The following GAS7 variants were observed in gnomAD, a reference collection of about 807,000 sequenced individuals.
GAS7 encodes growth arrest-specific protein 7.
A neutral mutation model predicts 71.1 loss-of-function variants in GAS7; 28 were observed. The observed-to-expected ratio is 0.39, with a 90% CI of 0.29 to 0.54. The LOEUF (loss-of-function observed/expected upper bound fraction) is 0.54, where lower values mean the gene tolerates loss of function less well. GAS7 is among the 20% of genes least tolerant of loss of function. The probability of loss-of-function intolerance (pLI) is 0.62; values close to 1 mark genes in which losing one functional copy is unlikely to be tolerated. For synonymous variants in GAS7, 258 were observed against 245.8 expected, an observed-to-expected ratio of 1.05 and a Z score of -0.46; for missense variants, 436 against 627.8, an observed-to-expected ratio of 0.69 and a Z score of 3.27.
At chr17:10,021,121 C>T (rs2072250525) in intron 1 of GAS7, among the ~76,000 whole-genome samples, 2 of 152,076 alleles carry the variant, frequency 1.3e-5, no homozygotes, top group African/African-American at 4.8e-5. Context: ...GATTGCTGTG[C>T]CTTTTGAAGT....
chr17:10,197,725 G>C (rs1234970182), intron 1 of GAS7, among the ~76,000 whole-genome samples: 1 of 152,156 alleles, frequency 6.6e-6, no homozygotes, highest in Non-Finnish European at 1.5e-5. Context: ...TCCCGAGGCG[G>C]CCAGGCAGCC....
chr17:10,102,423 A>G (rs1017589539), intron 1 of GAS7, among the ~76,000 whole-genome samples: 4 of 151,024 alleles, frequency 2.6e-5, no homozygotes, highest in African/African-American at 9.7e-5. Flanking sequence ...ATAGTAGTCT[A>G]ATCTCTTAGT....
chr17:9,925,905 C>T (rs2067985081), intron 10 of GAS7, among the ~76,000 whole-genome samples: 2 of 152,152 alleles, frequency 1.3e-5, no homozygotes, highest in South Asian at 2.1e-4. Flanking sequence ...CCTAAAGTCA[C>T]AGCCCCTCTG....
chr17:9,943,079 A>G (rs974197331), intron 7 of GAS7, 42 bp downstream of exon 7: 5 of 1,309,362 alleles, frequency 3.8e-6, no homozygotes, highest in Admixed American at 1.7e-5. Flanking sequence ...CCCGGGGAAC[A>G]CTGGTGCCAG....
intron 9 of GAS7, among the ~76,000 whole-genome samples, chr17:9,932,701 A>C (rs752639740): frequency 6.6e-6 from 1 of 152,144 alleles, no homozygotes; most frequent in Non-Finnish European, 1.5e-5. Context: ...AGACCTGAAA[A>C]GACTGGGGGT....
At chr17:10,181,215 C>T in intron 1 of GAS7, among the ~76,000 whole-genome samples, 1 of 146,556 alleles carries the variant, frequency 6.8e-6, no homozygotes, top group Non-Finnish European at 1.5e-5. Context: ...AAAAAATTAG[C>T]TGGGCGTGGT....
intron 1 of GAS7, among the ~76,000 whole-genome samples, chr17:10,025,086 TA>T (rs1343704843): frequency 6.6e-6 from 1 of 152,118 alleles, no homozygotes; most frequent in Non-Finnish European, 1.5e-5. Flanking sequence ...GTGGCACGGT[TA>T]ATGGTAAAAA....
chr17:9,999,186 G>A (rs1367412158), intron 2 of GAS7, among the ~76,000 whole-genome samples: 2 of 152,138 alleles, frequency 1.3e-5, no homozygotes, highest in Non-Finnish European at 2.9e-5. Flanking sequence ...TCTGTATATA[G>A]AAGACTTTCC....
At chr17:10,032,111 GAAAAAA>G (rs749716743) in intron 1 of GAS7, among the ~76,000 whole-genome samples, 1 of 74,758 alleles carries the variant, frequency 1.3e-5, no homozygotes, top group Non-Finnish European at 2.8e-5. Context: ...GGGAACCTCA[GAAAAAA>G]AAAAAAAAAA....
intron 1 of GAS7, among the ~76,000 whole-genome samples, chr17:10,193,223 G>A (rs937603108): frequency 1.8e-4 from 24 of 131,622 alleles, no homozygotes; most frequent in African/African-American, 6.4e-4. Flanking sequence ...CAGCTGCATC[G>A]TTTATCATGT....
intron 1 of GAS7, among the ~76,000 whole-genome samples, chr17:10,141,181 GGCTCACGCCT>G (rs1158862081): frequency 1.3e-5 from 2 of 152,232 alleles, no homozygotes; most frequent in Non-Finnish European, 2.9e-5. Flanking sequence ...CGGGCGCGGT[GGCTCACGCCT>G]GTAATCCCAG....
chr17:10,194,027 T>A (rs774485271), intron 1 of GAS7, among the ~76,000 whole-genome samples: 4 of 152,166 alleles, frequency 2.6e-5, no homozygotes, highest in Non-Finnish European at 5.9e-5. Flanking sequence ...CACAACTGCA[T>A]GAACCCAAAA....
chr17:9,917,299 C>T lies in GAS7; in HGVS notation c.1360G>A (p.Ala454Thr), dbSNP rs761078354. 3 of 1,613,982 alleles carry T rather than the reference C, an allele frequency of 1.9e-6. No individual in the cohort carries two copies. The highest frequency in any genetic ancestry group is 2.5e-6 in the Non-Finnish European group (3 of 1,179,920). The change falls in exon 14 of 14, where the codon GCC (alanine) becomes ACC (threonine). Residue 454 changes from alanine to threonine, a missense_variant. By Grantham distance (58) the Ala-to-Thr change is moderately conservative. Coordinates refer to ENST00000432992, the MANE Select transcript of GAS7 (RefSeq NM_201433.2). Reference sequence around the variant, plus strand: ...CTGACCCACAGCTCCCTGTCTTTGGCCGGGTCCACTTTTCGAAGCAGCTGA... The same window carrying T: ...CTGACCCACAGCTCCCTGTCTTTGGTCGGGTCCACTTTTCGAAGCAGCTGA... ...VDQLLRKVDP[A>T]KDRELWVREH... is the part of the protein sequence containing the mutation.
At chr17:10,076,866 C>T (rs1196438910) in intron 1 of GAS7, among the ~76,000 whole-genome samples, 1 of 152,138 alleles carries the variant, frequency 6.6e-6, no homozygotes, top group Non-Finnish European at 1.5e-5. Flanking sequence ...ATCAAGCCTG[C>T]AATGGACTTG....
At chr17:10,170,151 C>A (rs996796702) in intron 1 of GAS7, among the ~76,000 whole-genome samples, 2 of 152,098 alleles carry the variant, frequency 1.3e-5, no homozygotes, top group African/African-American at 2.4e-5. Context: ...CTACCCTCTG[C>A]TCCCCCCTCC....
chr17:10,042,379 C>A (rs2072885287), intron 1 of GAS7, among the ~76,000 whole-genome samples: 1 of 151,742 alleles, frequency 6.6e-6, no homozygotes, highest in Non-Finnish European at 1.5e-5. Flanking sequence ...GCTTCACAGT[C>A]ATGAACGGAA....
chr17:10,120,459 G>C (rs1218233168), intron 1 of GAS7, among the ~76,000 whole-genome samples: 1 of 152,178 alleles, frequency 6.6e-6, no homozygotes, highest in Non-Finnish European at 1.5e-5. Context: ...GTTCTCAAAA[G>C]CACAGTGAAG....
At chr17:10,059,318 A>G (rs1253135703) in intron 1 of GAS7, among the ~76,000 whole-genome samples, 1 of 152,222 alleles carries the variant, frequency 6.6e-6, no homozygotes, top group Non-Finnish European at 1.5e-5. Context: ...TGGGGAATTA[A>G]GAAAAGGCAA....
intron 1 of GAS7, among the ~76,000 whole-genome samples, chr17:10,118,760 CA>C (rs543182395): frequency 2.8e-4 from 41 of 144,614 alleles, no homozygotes; most frequent in African/African-American, 9.6e-4. Flanking sequence ...CTTAACTTAT[CA>C]GGGGGGTGGT....
Sources: gnomAD v4.1 joint callset for allele counts (sites outside exome capture counted in the v4.1 genomes callset) on GRCh38, gnomAD v4.1.1 for gene constraint, MANE v1.5 for transcripts, NCBI Gene and HGNC (gene_info 2026-07-23, HGNC 2026-07-21) for gene names.